CFAP299: variants seen among roughly 807,000 people sequenced by gnomAD.
CFAP299 encodes cilia and flagella associated protein 299, also known as cilia- and flagella-associated protein 299.
In CFAP299, 21 loss-of-function variants were observed where a neutral mutation model predicts 27.0. The ratio of observed to expected loss-of-function variants is 0.78; its 90% confidence interval spans 0.55 to 1.12. The LOEUF (loss-of-function observed/expected upper bound fraction) is 1.12. Ranked by LOEUF, CFAP299 falls within the 50% of genes most tolerant of loss-of-function variation. The probability of loss-of-function intolerance (pLI) is 0.00; values close to 1 mark genes in which losing one functional copy is unlikely to be tolerated. For missense variants in CFAP299, 310 were observed against 276.6 expected, an observed-to-expected ratio of 1.12 and a Z score of -0.86; for synonymous variants, 104 against 98.1, an observed-to-expected ratio of 1.06 and a Z score of -0.36.
At chr4:80,900,122 A>AAG (rs973156425) in intron 4 of CFAP299, among the ~76,000 whole-genome samples, 1 of 37,848 alleles carries the variant, frequency 2.6e-5, no homozygotes, top group African/African-American at 7.0e-5. Flanking sequence ...AAGTGGAAGA[A>AAG]AGTGTGTGTG....
chr4:80,963,328 C>G (rs1410720834), intron 5 of CFAP299, among the ~76,000 whole-genome samples, 189 bp from the exon 6 acceptor site: 1 of 151,790 alleles, frequency 6.6e-6, no homozygotes, highest in African/African-American at 2.4e-5. Flanking sequence ...ATCATAATTC[C>G]AAAGCTCCTA....
intron 3 of CFAP299, among the ~76,000 whole-genome samples, chr4:80,737,079 C>A (rs1392178198): frequency 6.6e-6 from 1 of 150,664 alleles, no homozygotes; most frequent in Admixed American, 6.6e-5. Context: ...AACCAAACAC[C>A]GCATATTCTC....
At chr4:80,946,154 C>A (rs1180637825) in intron 5 of CFAP299, among the ~76,000 whole-genome samples, 4 of 150,968 alleles carry the variant, frequency 2.6e-5, no homozygotes. Flanking sequence ...GACCATAATT[C>A]TGTAACAAGA....
chr4:80,672,163 T>G (rs1741524626), intron 3 of CFAP299, among the ~76,000 whole-genome samples: 1 of 152,220 alleles, frequency 6.6e-6, no homozygotes, highest in African/African-American at 2.4e-5. Flanking sequence ...CTCTTATGAT[T>G]CTCAGATATG....
intron 3 of CFAP299, among the ~76,000 whole-genome samples, chr4:80,799,883 T>C (rs1728277397): frequency 2.6e-5 from 1 of 38,270 alleles, no homozygotes; most frequent in Non-Finnish European, 4.2e-5. Flanking sequence ...TTATATTATA[T>C]AATATATAAA....
chr4:80,710,481 T>C (rs1171659141), intron 3 of CFAP299, among the ~76,000 whole-genome samples: 1 of 127,052 alleles, frequency 7.9e-6, no homozygotes, highest in Non-Finnish European at 1.6e-5. Flanking sequence ...CTTTTTCTTT[T>C]TCTTTTTTTT....
At chr4:80,848,923 A>T (rs1428959025) in intron 3 of CFAP299, among the ~76,000 whole-genome samples, 1 of 152,224 alleles carries the variant, frequency 6.6e-6, no homozygotes, top group African/African-American at 2.4e-5. Context: ...AAGGCCTAGG[A>T]CATTACTGTA....
chr4:80,605,263 A>C (rs1306411639), intron 3 of CFAP299, among the ~76,000 whole-genome samples: 1 of 152,206 alleles, frequency 6.6e-6, no homozygotes, highest in African/African-American at 2.4e-5. Context: ...TCTTTTGAAC[A>C]ACATTTAGTT....
chr4:80,637,963 T>C (rs529768780), intron 3 of CFAP299, among the ~76,000 whole-genome samples: 10 of 152,256 alleles, frequency 6.6e-5, no homozygotes, highest in Non-Finnish European at 1.2e-4. Context: ...GGTTGATTTC[T>C]AGCAATAAAG....
chr4:80,855,558 C>T (rs1407171053), intron 3 of CFAP299, among the ~76,000 whole-genome samples: 1 of 152,074 alleles, frequency 6.6e-6, no homozygotes, highest in Non-Finnish European at 1.5e-5. Flanking sequence ...CCTCCCCTCT[C>T]CCCCCAACCC....
chr4:80,663,104 T>C (rs1411365703), intron 3 of CFAP299, among the ~76,000 whole-genome samples: 1 of 152,086 alleles, frequency 6.6e-6, no homozygotes, highest in Non-Finnish European at 1.5e-5. Context: ...ATTCCTATTA[T>C]ATATACTTTG....
At chr4:80,521,508 T>A (rs1454753506) in intron 2 of CFAP299, among the ~76,000 whole-genome samples, 1 of 152,180 alleles carries the variant, frequency 6.6e-6, no homozygotes, top group Non-Finnish European at 1.5e-5. Context: ...CAAATTTTAA[T>A]GTGTACAGCA....
intron 5 of CFAP299, among the ~76,000 whole-genome samples, chr4:80,954,279 G>C (rs1737934101): frequency 6.6e-6 from 1 of 151,972 alleles, no homozygotes; most frequent in South Asian, 2.1e-4. Flanking sequence ...TTTTTTCCTG[G>C]GTCTCAACAG....
chr4:80,538,456 G>A (rs1733849102), intron 2 of CFAP299, among the ~76,000 whole-genome samples: 1 of 150,662 alleles, frequency 6.6e-6, no homozygotes, highest in African/African-American at 2.4e-5. Context: ...ATATTTCTAG[G>A]CCTTCACATT....
At position 80,919,536 on chromosome 4, in the gene CFAP299, A is replaced by G. The variant is rs191447088; in HGVS notation, c.477-25274A>G. On this transcript the variant is annotated intron_variant, in intron 4 of 5. Coordinates refer to ENST00000358105, the MANE Select transcript of CFAP299 (RefSeq NM_152770.3). ...ATCCTCAGGTAAAGTTGAATTATCC[A>G]TTACTTAGACAGTTATTTTATTTTC... 7.2e-5 allele frequency among the ~76,000 whole-genome samples: 11 copies of G among 152,276 alleles called. No individual in the cohort carries two copies. In the East Asian group the frequency reaches 2.1e-3, roughly 29 times the overall value.
At chr4:80,870,505 A>G in intron 4 of CFAP299, 2 of 992,422 alleles carry the variant, frequency 2.0e-6, no homozygotes, top group Non-Finnish European at 2.4e-6. Context: ...TTTGGTCACC[A>G]GCCAAAGTGC....
At chr4:80,677,934 G>A (rs983696190) in intron 3 of CFAP299, among the ~76,000 whole-genome samples, 1 of 152,166 alleles carries the variant, frequency 6.6e-6, no homozygotes, top group African/African-American at 2.4e-5. Context: ...ACTGCAGTGT[G>A]CTGCTGAAAG....
chr4:80,745,760 T>A (rs1362201567), intron 3 of CFAP299, among the ~76,000 whole-genome samples: 1 of 152,068 alleles, frequency 6.6e-6, no homozygotes, highest in Non-Finnish European at 1.5e-5. Context: ...CCGGATCCCA[T>A]CCAGGATACA....
At chr4:80,492,242 C>G (rs1374347029) in intron 2 of CFAP299, among the ~76,000 whole-genome samples, 2 of 152,128 alleles carry the variant, frequency 1.3e-5, no homozygotes, top group Non-Finnish European at 2.9e-5. Context: ...AAGCTGTGCC[C>G]CGACCACCTT....
Sources: gnomAD v4.1 joint callset for allele counts (sites outside exome capture counted in the v4.1 genomes callset) on GRCh38, gnomAD v4.1.1 for gene constraint, MANE v1.5 for transcripts, NCBI Gene and HGNC (gene_info 2026-07-23, HGNC 2026-07-21) for gene names.